The following SCFD2 variants were observed in gnomAD, a reference collection of about 807,000 sequenced individuals.
The protein encoded by SCFD2 is sec1 family domain containing 2.
In SCFD2, 54 loss-of-function variants were observed where a neutral mutation model predicts 58.9. The observed-to-expected ratio is 0.92, with a 90% CI of 0.74 to 1.15. SCFD2 has a LOEUF of 1.15. Ranked by LOEUF, SCFD2 falls within the 50% of genes most tolerant of loss-of-function variation. SCFD2 has a pLI of 0.00. For synonymous variants in SCFD2, 321 were observed against 335.9 expected, an observed-to-expected ratio of 0.96 and a Z score of 0.49; for missense variants, 805 against 836.6, an observed-to-expected ratio of 0.96 and a Z score of 0.47.
intron 4 of SCFD2, among the ~76,000 whole-genome samples, chr4:53,244,441 A>C (rs555744851): frequency 7.9e-5 from 12 of 152,274 alleles, no homozygotes; most frequent in Non-Finnish European, 1.2e-4. Context: ...CAAGAAAATC[A>C]CTGGAAACCA....
chr4:53,316,915 C>T (rs1262770786), intron 2 of SCFD2, among the ~76,000 whole-genome samples: 1 of 151,968 alleles, frequency 6.6e-6, no homozygotes, highest in African/African-American at 2.4e-5. Context: ...TGAAACCAGC[C>T]TGACCAACAT....
intron 5 of SCFD2, among the ~76,000 whole-genome samples, chr4:52,971,267 G>GA (rs1247259241): frequency 1.3e-5 from 2 of 151,884 alleles, no homozygotes; most frequent in South Asian, 2.1e-4. Context: ...TAAAAACCTT[G>GA]AAAAAAAATT....
At chr4:53,210,641 ATTTC>A (rs1577844722) in intron 4 of SCFD2, among the ~76,000 whole-genome samples, 1 of 152,204 alleles carries the variant, frequency 6.6e-6, no homozygotes, top group South Asian at 2.1e-4. Context: ...ATATATATTT[ATTTC>A]TATTTTTATT....
At chr4:53,018,615 A>C (rs1722269257) in intron 5 of SCFD2, among the ~76,000 whole-genome samples, 1 of 152,196 alleles carries the variant, frequency 6.6e-6, no homozygotes, top group Non-Finnish European at 1.5e-5. Context: ...GGGCCCATGA[A>C]GTGCAATTTT....
chr4:53,184,186 A>G (rs1035463163), intron 4 of SCFD2, among the ~76,000 whole-genome samples: 18 of 152,152 alleles, frequency 1.2e-4, no homozygotes, highest in African/African-American at 4.3e-4. Flanking sequence ...ATTTAGTAAC[A>G]TAACCACCCG....
chr4:53,212,151 GA>G (rs889620663), intron 4 of SCFD2, among the ~76,000 whole-genome samples: 6 of 151,974 alleles, frequency 3.9e-5, no homozygotes, highest in Non-Finnish European at 5.9e-5. Context: ...TTCTGCTGGG[GA>G]AAAATAAATC....
Position 53,165,590 on chromosome 4 carries a change from A to G in SCFD2, c.1312-20008T>C, listed in dbSNP as rs181754019. 1.3e-3 allele frequency among the ~76,000 whole-genome samples: 202 copies of G among 152,244 alleles called. 1 individual carries two copies. Among genetic ancestry groups the G allele is most frequent in the Admixed American group, 3.7e-3 (57 of 15,292 alleles). ...CTCTTCCCTTGTTTGCTCCAGCCACACTGGCCTCCATTCACCCAATTACCC... is the reference window on the plus strand; with the variant it reads ...CTCTTCCCTTGTTTGCTCCAGCCACGCTGGCCTCCATTCACCCAATTACCC... On this transcript the variant is annotated intron_variant, in intron 4 of 8. Transcript: ENST00000401642.
chr4:53,335,194 C>CAA (rs56344451), intron 2 of SCFD2, among the ~76,000 whole-genome samples: 35,392 of 80,364 alleles, frequency 0.44, 7,366 homozygotes, highest in Admixed American at 0.49. Flanking sequence ...GACTCCGTCT[C>CAA]AAAAAAAAAA....
chr4:53,234,166 T>C (rs748213575), intron 4 of SCFD2, among the ~76,000 whole-genome samples: 1 of 152,134 alleles, frequency 6.6e-6, no homozygotes, highest in East Asian at 1.9e-4. Flanking sequence ...AGAAATTGTA[T>C]GCACATCCAA....
intron 5 of SCFD2, among the ~76,000 whole-genome samples, chr4:53,106,669 A>C (rs1419145177): frequency 6.6e-6 from 1 of 152,192 alleles, no homozygotes; most frequent in African/African-American, 2.4e-5. Flanking sequence ...ATTAGAGAAA[A>C]GAGAATGAAA....
At chr4:52,998,449 GTATGT>G (rs560033830) in intron 5 of SCFD2, among the ~76,000 whole-genome samples, 67 of 152,354 alleles carry the variant, frequency 4.4e-4, no homozygotes, top group Non-Finnish European at 7.5e-4. Flanking sequence ...AGCCGTCAGA[GTATGT>G]CAATGATAAG....
chr4:53,249,465 G>C (rs571305906), intron 4 of SCFD2, among the ~76,000 whole-genome samples: 50 of 152,248 alleles, frequency 3.3e-4, no homozygotes, highest in East Asian at 1.4e-3. Context: ...ACACCACAAA[G>C]ATAATCCTTG....
chr4:53,340,211 CCA>C (rs2149144735), intron 2 of SCFD2, among the ~76,000 whole-genome samples: 1 of 152,202 alleles, frequency 6.6e-6, no homozygotes, highest in South Asian at 2.1e-4. Context: ...AATTCCCTAA[CCA>C]AGGGAAGCTG....
intron 5 of SCFD2, among the ~76,000 whole-genome samples, chr4:53,120,430 T>C (rs1725447391): frequency 6.6e-6 from 1 of 152,198 alleles, no homozygotes; most frequent in South Asian, 2.1e-4. Flanking sequence ...CAGGGCCACA[T>C]GATGAACAAA....
At chr4:53,155,429 C>G (rs571817681) in intron 4 of SCFD2, among the ~76,000 whole-genome samples, 1 of 152,314 alleles carries the variant, frequency 6.6e-6, no homozygotes, top group African/African-American at 2.4e-5. Context: ...CAAACGCCAG[C>G]ACCTTGATAT....
At chr4:53,251,345 T>A (rs1045133545) in intron 4 of SCFD2, among the ~76,000 whole-genome samples, 3 of 151,916 alleles carry the variant, frequency 2.0e-5, no homozygotes, top group Admixed American at 1.3e-4. Context: ...ACTATTCCAA[T>A]CAATAGAAAA....
intron 3 of SCFD2, among the ~76,000 whole-genome samples, chr4:53,303,780 G>T (rs372676436): frequency 7.2e-5 from 11 of 151,770 alleles, no homozygotes; most frequent in Admixed American, 1.3e-4. Context: ...CCATAAAAAA[G>T]GATGAGTTCA....
At chr4:53,321,257 A>G (rs1170325606) in intron 2 of SCFD2, among the ~76,000 whole-genome samples, 2 of 152,146 alleles carry the variant, frequency 1.3e-5, no homozygotes, top group Admixed American at 1.3e-4. Context: ...TCTGAATGAA[A>G]TCTTAGAAGC....
At chr4:52,911,962 A>G (rs1481489939) in intron 6 of SCFD2, among the ~76,000 whole-genome samples, 1 of 152,110 alleles carries the variant, frequency 6.6e-6, no homozygotes, top group Non-Finnish European at 1.5e-5. Flanking sequence ...TGCCACCATC[A>G]CCCTGGCGAT....
Sources: allele counts gnomAD v4.1 joint callset (sites outside exome capture counted in the v4.1 genomes callset), GRCh38; gene constraint gnomAD v4.1.1; transcripts MANE v1.5; gene names NCBI Gene and HGNC (gene_info 2026-07-23, HGNC 2026-07-21).